Variants in AOPEP observed in about 807,000 individuals in gnomAD.
The protein encoded by AOPEP is aminopeptidase O (putative).
AOPEP carries 77 observed loss-of-function variants against 98.1 expected under a neutral mutation model. That is an observed-to-expected ratio of 0.78 (90% CI 0.65 to 0.95). AOPEP has a LOEUF of 0.95. AOPEP is among the 40% of genes least tolerant of loss of function. The pLI, the probability that AOPEP is intolerant of heterozygous loss-of-function variation, is 0.00. For synonymous variants in AOPEP, 346 were observed against 365.3 expected (o/e 0.95, Z 0.60); for missense variants, 1,024 against 1,024.7 (o/e 1.00, Z 0.01).
At chr9:95,126,161 T>G in the AOPEP span, among the ~76,000 whole-genome samples, 1 of 152,242 alleles carries the variant, frequency 6.6e-6, no homozygotes, top group African/African-American at 2.4e-5. Flanking sequence ...TTTAAAGTCT[T>G]TTAAAAATAT....
chr9:95,063,166 CT>C (rs1259696173), intron 14 of AOPEP, among the ~76,000 whole-genome samples: 1 of 152,226 alleles, frequency 6.6e-6, no homozygotes, highest in Non-Finnish European at 1.5e-5. Context: ...CCTTGTCTTT[CT>C]GCAGTTTTTG....
At chr9:94,797,533 A>C (rs549745750) in intron 4 of AOPEP, among the ~76,000 whole-genome samples, 9 of 152,208 alleles carry the variant, frequency 5.9e-5, no homozygotes, top group African/African-American at 2.2e-4. Context: ...ATAGTGCCAG[A>C]AGAAACCTTA....
At chr9:94,966,992 T>C (rs2059242032) in intron 9 of AOPEP, among the ~76,000 whole-genome samples, 1 of 152,214 alleles carries the variant, frequency 6.6e-6, no homozygotes, top group African/African-American at 2.4e-5. Flanking sequence ...AATTATGTAA[T>C]GTTTGGGACT....
chr9:94,834,898 C>T (rs2041393235), intron 5 of AOPEP, among the ~76,000 whole-genome samples: 2 of 151,874 alleles, frequency 1.3e-5, no homozygotes, highest in African/African-American at 2.4e-5. Context: ...GAGCTATATA[C>T]CGAAATATTT....
chr9:95,004,122 G>A, intron 11 of AOPEP: 1 of 412,052 alleles, frequency 2.4e-6, no homozygotes, highest in Non-Finnish European at 4.8e-6. Flanking sequence ...TTAAAGAAAT[G>A]TGATAAAGTT....
chr9:94,792,770 T>C lies in AOPEP; in HGVS notation c.970T>C (p.Ser324Pro), dbSNP rs1157824302. Reference sequence around the variant, plus strand: ...TTTTCTCTTCCTGTTTACAGAGTGCTCAAGCTGGTATTACTATGTAACTAT... The same window carrying C: ...TTTTCTCTTCCTGTTTACAGAGTGCCCAAGCTGGTATTACTATGTAACTAT... ...AKPTQLWEEC[S>P]SWYYYVTMPM... The change falls in exon 4 of 17, where the codon TCA becomes CCA. Residue 324 changes from serine (S) to proline (P), a missense_variant. Physicochemically the swap from Ser to Pro is moderately conservative, Grantham distance 74. Transcript: ENST00000375315. 2 of 1,606,628 alleles carry C rather than the reference T, an allele frequency of 1.2e-6. No homozygotes were observed. Among genetic ancestry groups the C allele is most frequent in the South Asian group, 2.2e-5 (2 of 90,482 alleles).
At chr9:95,139,374 A>G in the AOPEP span, among the ~76,000 whole-genome samples, 59 of 152,306 alleles carry the variant, frequency 3.9e-4, no homozygotes, top group African/African-American at 1.3e-3. Flanking sequence ...GGTGCCACTG[A>G]AGAAAATGCA....
At chr9:94,956,856 A>G (rs1048242393) in intron 9 of AOPEP, among the ~76,000 whole-genome samples, 15 of 152,230 alleles carry the variant, frequency 9.9e-5, no homozygotes, top group African/African-American at 2.9e-4. Flanking sequence ...TGTTAGATGT[A>G]AAGGATGTGC....
intron 10 of AOPEP, among the ~76,000 whole-genome samples, chr9:94,975,643 G>A (rs767181674): frequency 2.9e-4 from 44 of 152,286 alleles, no homozygotes; most frequent in African/African-American, 4.3e-4. Flanking sequence ...CTGCAGATCC[G>A]TCCCCTGCAC....
At chr9:95,076,458 G>A (rs575176421) in intron 14 of AOPEP, among the ~76,000 whole-genome samples, 2 of 152,224 alleles carry the variant, frequency 1.3e-5, no homozygotes, top group East Asian at 1.9e-4. Context: ...TCAGGGTCTC[G>A]CTAATCTTAG....
intron 5 of AOPEP, among the ~76,000 whole-genome samples, chr9:94,845,296 G>A (rs1188261127): frequency 6.6e-6 from 1 of 152,220 alleles, no homozygotes; most frequent in Non-Finnish European, 1.5e-5. Flanking sequence ...TGCAAGCTGG[G>A]AGAACTGCAG....
chr9:94,816,965 A>G (rs1037456137), intron 5 of AOPEP, among the ~76,000 whole-genome samples: 2 of 152,144 alleles, frequency 1.3e-5, no homozygotes, highest in Non-Finnish European at 2.9e-5. Context: ...TGGTATTACA[A>G]TTTAGGGTCA....
chr9:94,905,142 A>T (rs2050947221), intron 5 of AOPEP, among the ~76,000 whole-genome samples: 2 of 152,348 alleles, frequency 1.3e-5, no homozygotes, highest in South Asian at 4.1e-4. Flanking sequence ...ACACACAAAA[A>T]GGGATGGCTT....
At chr9:95,041,988 T>C (rs561915259) in intron 13 of AOPEP, among the ~76,000 whole-genome samples, 1 of 152,206 alleles carries the variant, frequency 6.6e-6, no homozygotes, top group Admixed American at 6.5e-5. Context: ...AAAAGGAAAC[T>C]GATGAATTCA....
chr9:94,748,073 A>T (rs1215225924), intron 1 of AOPEP, among the ~76,000 whole-genome samples: 1 of 152,142 alleles, frequency 6.6e-6, no homozygotes, highest in African/African-American at 2.4e-5. Context: ...AAAAATAAAG[A>T]CTTTCTAATA....
intron 16 of AOPEP, among the ~76,000 whole-genome samples, chr9:95,084,979 G>A (rs1056565549): frequency 2.0e-5 from 3 of 152,204 alleles, no homozygotes; most frequent in Non-Finnish European, 4.4e-5. Flanking sequence ...TGTGTGTGTC[G>A]CATGGCCGGT....
At chr9:94,739,726 T>G (rs905600677) in intron 1 of AOPEP, among the ~76,000 whole-genome samples, 5 of 152,080 alleles carry the variant, frequency 3.3e-5, no homozygotes, top group Non-Finnish European at 5.9e-5. Flanking sequence ...AAGATGTAAC[T>G]GGAAGCCAGA....
intron 6 of AOPEP, among the ~76,000 whole-genome samples, chr9:94,926,975 G>T (rs1391391025): frequency 6.6e-6 from 1 of 152,180 alleles, no homozygotes; most frequent in African/African-American, 2.4e-5. Flanking sequence ...AGTCTGCTTG[G>T]ACTGCCATAA....
intron 5 of AOPEP, among the ~76,000 whole-genome samples, chr9:94,803,394 A>T (rs1848594250): frequency 6.6e-6 from 1 of 152,210 alleles, no homozygotes; most frequent in Non-Finnish European, 1.5e-5. Context: ...ATGAACTAAA[A>T]TGGGTAAATT....
Sources: allele counts gnomAD v4.1 joint callset (sites outside exome capture counted in the v4.1 genomes callset), GRCh38; gene constraint gnomAD v4.1.1; transcripts MANE v1.5; gene names NCBI Gene and HGNC (gene_info 2026-07-23, HGNC 2026-07-21).